Variants in FER1L6 observed in about 807,000 individuals in gnomAD.
FER1L6 encodes fer-1-like protein 6.
In FER1L6, 177 loss-of-function variants were observed where a neutral mutation model predicts 219.2. That is an observed-to-expected ratio of 0.81 (90% CI 0.71 to 0.91). The LOEUF (loss-of-function observed/expected upper bound fraction) is 0.91, where lower values mean the gene tolerates loss of function less well. Among genes scored for constraint, FER1L6 ranks in the 40% least tolerant of loss-of-function variants. The pLI is 0.00. For synonymous variants in FER1L6, 768 were observed against 824.3 expected (o/e 0.93, Z 1.17); for missense variants, 2,153 against 2,259.9 (o/e 0.95, Z 0.96).
At chr8:124,033,099 T>G (rs965921217) in intron 18 of FER1L6, among the ~76,000 whole-genome samples, 1 of 152,206 alleles carries the variant, frequency 6.6e-6, no homozygotes, top group African/African-American at 2.4e-5. Flanking sequence ...GACCAGGGCC[T>G]AGAATGATAG....
At chr8:123,949,415 A>G (rs1375008989) in intron 1 of FER1L6, among the ~76,000 whole-genome samples, 1 of 152,218 alleles carries the variant, frequency 6.6e-6, no homozygotes, top group Non-Finnish European at 1.5e-5. Context: ...AGGAAGTTTA[A>G]TGATTCCCAT....
chr8:124,090,192 A>G (rs4446721), intron 33 of FER1L6, among the ~76,000 whole-genome samples: 129,682 of 152,168 alleles, frequency 0.85, 55,481 homozygotes, highest in Non-Finnish European at 0.89. Context: ...TATATCCTTC[A>G]TGGAATGATT....
intron 21 of FER1L6, chr8:124,046,227 C>CTAAT (rs1236607789): frequency 5.0e-6 from 1 of 199,384 alleles, no homozygotes; most frequent in African/African-American, 2.3e-5. Context: ...CAGCCTCCAG[C>CTAAT]TAATTCCAGG....
At chr8:123,992,593 C>T (rs1461203718) in intron 12 of FER1L6, among the ~76,000 whole-genome samples, 1 of 151,868 alleles carries the variant, frequency 6.6e-6, no homozygotes, top group Non-Finnish European at 1.5e-5. Flanking sequence ...CATCTTCCAT[C>T]TTCTTCTTTT....
intron 1 of FER1L6, among the ~76,000 whole-genome samples, chr8:123,886,171 T>C (rs1156512468): frequency 6.6e-6 from 1 of 152,216 alleles, no homozygotes; most frequent in Non-Finnish European, 1.5e-5. Context: ...CTGATGTCTT[T>C]GAGGCCAAGA....
intron 1 of FER1L6, among the ~76,000 whole-genome samples, chr8:123,905,523 T>C (rs1352105973): frequency 6.6e-6 from 1 of 152,206 alleles, no homozygotes; most frequent in Non-Finnish European, 1.5e-5. Context: ...CTATTGTGAA[T>C]AGTCTCAGCC....
At chr8:123,953,051 G>C (rs901522146) in intron 1 of FER1L6, among the ~76,000 whole-genome samples, 2 of 152,146 alleles carry the variant, frequency 1.3e-5, no homozygotes, top group African/African-American at 2.4e-5. Context: ...CCTGTGTCAC[G>C]GGTTCATTTT....
chr8:123,923,907 T>C (rs903477782), intron 1 of FER1L6, among the ~76,000 whole-genome samples: 1 of 124,450 alleles, frequency 8.0e-6, no homozygotes. Context: ...GCCCCCGCGC[T>C]CCAGCCTGGA....
intron 12 of FER1L6, among the ~76,000 whole-genome samples, chr8:123,993,426 A>G: frequency 6.8e-6 from 1 of 146,108 alleles, no homozygotes; most frequent in Admixed American, 6.9e-5. Context: ...TGGGCGACAG[A>G]GCGAGACTCC....
intron 16 of FER1L6, among the ~76,000 whole-genome samples, chr8:124,020,980 T>G (rs1221729088): frequency 6.6e-6 from 1 of 152,086 alleles, no homozygotes; most frequent in Non-Finnish European, 1.5e-5. Context: ...CAGTTCCACA[T>G]GGCTAAGAGG....
intron 1 of FER1L6, among the ~76,000 whole-genome samples, chr8:123,884,848 G>A (rs1362578277): frequency 6.6e-6 from 1 of 152,142 alleles, no homozygotes. Context: ...CCCAGAGTTT[G>A]GGCAGTGCAG....
At chr8:123,854,959 G>A (rs533588234) in intron 1 of FER1L6, among the ~76,000 whole-genome samples, 10 of 152,180 alleles carry the variant, frequency 6.6e-5, no homozygotes, top group African/African-American at 1.2e-4. Flanking sequence ...CGCAGCATTC[G>A]GTACATTCAC....
chr8:124,074,650 TA>T (rs58971221), intron 31 of FER1L6, among the ~76,000 whole-genome samples: 5,291 of 114,274 alleles, frequency 0.046, 254 homozygotes, highest in African/African-American at 0.14. Context: ...AGATACTGTC[TA>T]AAAAAAAAAA....
At chr8:123,866,043 A>T (rs1442632950) in intron 1 of FER1L6, among the ~76,000 whole-genome samples, 1 of 151,702 alleles carries the variant, frequency 6.6e-6, no homozygotes, top group African/African-American at 2.4e-5. Flanking sequence ...ACTGTTGGAC[A>T]TTTGGGTTGG....
At chr8:124,045,988 T>A in intron 21 of FER1L6, 87 bp downstream of exon 21, 2 of 1,516,676 alleles carry the variant, frequency 1.3e-6, no homozygotes, top group South Asian at 2.4e-5. Flanking sequence ...GTAAATAAAG[T>A]CCTGACGCTG....
intron 15 of FER1L6, among the ~76,000 whole-genome samples, chr8:124,016,215 G>T (rs573565850): frequency 1.3e-5 from 2 of 152,282 alleles, no homozygotes; most frequent in East Asian, 3.9e-4. Context: ...ACAAGAAAAG[G>T]CAGGAATGGG....
intron 1 of FER1L6, among the ~76,000 whole-genome samples, chr8:123,865,680 G>A (rs1193847315): frequency 1.3e-5 from 2 of 151,228 alleles, no homozygotes; most frequent in African/African-American, 2.5e-5. Flanking sequence ...ATATAGTCTC[G>A]TGGTGAGCCG....
chr8:124,003,423 T>G, intron 13 of FER1L6, 76 bp downstream of exon 13: 3 of 885,616 alleles, frequency 3.4e-6, no homozygotes, highest in Non-Finnish European at 5.1e-6. Context: ...ACTGTTTTCT[T>G]CAGTTCTTCA....
chr8:124,065,922 C>G (rs1049327038), intron 26 of FER1L6, among the ~76,000 whole-genome samples: 1 of 152,206 alleles, frequency 6.6e-6, no homozygotes, highest in African/African-American at 2.4e-5. Flanking sequence ...TGTACCCATT[C>G]AAATCAGAAA....
Sources: gnomAD v4.1 joint callset for allele counts (sites outside exome capture counted in the v4.1 genomes callset) on GRCh38, gnomAD v4.1.1 for gene constraint, MANE v1.5 for transcripts, NCBI Gene and HGNC (gene_info 2026-07-23, HGNC 2026-07-21) for gene names.